The following ELK1 variants were observed in gnomAD, a reference collection of about 807,000 sequenced individuals.
The protein encoded by ELK1 is ETS transcription factor ELK1.
For missense variants in ELK1, 254 were observed against 381.5 expected (o/e 0.67, Z 2.78); for synonymous variants, 163 against 176.3 (o/e 0.92, Z 0.60).
chrX:47,644,616 A>G (rs1399183730), intron 2 of ELK1, among the ~76,000 whole-genome samples: 1 of 110,572 alleles, frequency 9.0e-6, no homozygotes, highest in Non-Finnish European at 1.9e-5. Context: ...GACCAAAAGG[A>G]GGTGAAGGAA....
At chrX:47,649,571 T>A (rs1456809209) in intron 2 of ELK1, among the ~76,000 whole-genome samples, 3 of 109,501 alleles carry the variant, frequency 2.7e-5, no homozygotes, top group African/African-American at 1.0e-4. Flanking sequence ...CAGAAAACCT[T>A]ACAGACTCCT....
chrX:47,641,208 C>T, intron 3 of ELK1, 24 bp downstream of exon 3: 1 of 1,205,750 alleles, frequency 8.3e-7, no homozygotes, highest in South Asian at 1.8e-5. Context: ...GGGGGGGTTC[C>T]AGCCCTGGTC....
rs957932578 is a variant in ELK1, at chrX:47,636,550, A to G, written c.*279T>C. 3.6e-6 allele frequency: 1 copy of G among 275,847 alleles called. No individual in the cohort carries two copies. The highest frequency in any genetic ancestry group is 2.8e-5 in the African/African-American group (1 of 36,277). 22.7% of individuals were successfully genotyped at this position (275,847 alleles called of 1,213,427 possible). A position where few individuals can be genotyped will look rare whatever the true frequency, so the allele number is the denominator to read the frequency against. On this transcript the variant is annotated 3_prime_UTR_variant, in exon 7 of 7. Transcript: ENST00000376983. ...GTCAGGCTCCTCCCAGTGGCCTTCA[A>G]AAAATAAATAAATAAACCGCCCCTA...
At chrX:47,648,168 A>G (rs1389296959) in intron 2 of ELK1, among the ~76,000 whole-genome samples, 1 of 108,976 alleles carries the variant, frequency 9.2e-6, no homozygotes, top group Non-Finnish European at 1.9e-5. Flanking sequence ...GGATCTCGCT[A>G]TATTGCCCAG....
intron 2 of ELK1, among the ~76,000 whole-genome samples, chrX:47,647,106 T>C (rs138401197): frequency 8.2e-4 from 91 of 111,410 alleles, no homozygotes; most frequent in African/African-American, 2.9e-3. Context: ...CATTTGTCTA[T>C]TATGCTAATT....
intron 2 of ELK1, among the ~76,000 whole-genome samples, chrX:47,643,097 CTTTTTT>C (rs1569339808): frequency 1.8e-5 from 2 of 111,287 alleles, no homozygotes; most frequent in African/African-American, 6.5e-5. Context: ...TATTCTTTTT[CTTTTTT>C]TAAGAAATGG....
rs1252762851 is a variant in ELK1, at chrX:47,636,539, A to G, written c.*290T>C. ...TAAAAGGTTAGGTCAGGCTCCTCCC[A>G]GTGGCCTTCAAAAAATAAATAAATA... On this transcript the variant is annotated 3_prime_UTR_variant, in exon 7 of 7. Transcript: ENST00000376983. 2 of 260,971 alleles carry G rather than the reference A, an allele frequency of 7.7e-6. No individual in the cohort carries two copies. The highest frequency in any genetic ancestry group is 5.6e-5 in the African/African-American group (2 of 35,930). 21.5% of individuals were successfully genotyped at this position (260,971 alleles called of 1,213,427 possible).
At position 47,639,181 on chromosome X, in the gene ELK1, G is replaced by A; in HGVS notation, c.368C>T (p.Pro123Leu). ...NVAPAAIHAA[P>L]GDTVSGKPGT... ...TGGCTTTCCAGAGACAGTGTCCCCT[G>A]GGGCGGCATGTATAGCAGCAGGGGC... The change falls in exon 4 of 7, where the codon CCA (proline) becomes CTA (leucine). Residue 123 changes from proline to leucine, a missense_variant. Pro to Leu is a moderately conservative substitution (Grantham distance 98, BLOSUM62 -3). Coordinates refer to ENST00000376983, the MANE Select transcript of ELK1 (RefSeq NM_001114123.3). 8.3e-7 allele frequency: 1 copy of A among 1,209,396 alleles called. No individual in the cohort carries two copies. Among genetic ancestry groups the A allele is most frequent in the Non-Finnish European group, 1.1e-6 (1 of 894,203 alleles).
At chrX:47,642,494 C>T (rs2765809) in intron 2 of ELK1, among the ~76,000 whole-genome samples, 21,327 of 110,085 alleles carry the variant, frequency 0.19, 1,622 homozygotes, top group South Asian at 0.24. Context: ...TCTTTCAAGT[C>T]CCAGCCCAAA....
At position 47,641,313 on chromosome X, in the gene ELK1, G is replaced by T; in HGVS notation, c.129C>A (p.Ala43=). ...TGTTCTTGCGTAGCCCCCACAGCCGGGCCACCTCCTCTGCATCCACCAGCT... is the reference window on the plus strand; with the variant it reads ...TGTTCTTGCGTAGCCCCCACAGCCGTGCCACCTCCTCTGCATCCACCAGCT... The part of the protein sequence containing the change: ...EFKLVDAEEV[A]RLWGLRKNKT... The change falls in exon 3 of 7, where the codon GCC becomes GCA. Residue 43 remains alanine (A), a synonymous_variant. Coordinates refer to ENST00000376983, the MANE Select transcript of ELK1 (RefSeq NM_001114123.3). The T allele has an allele frequency of 1.7e-6, 2 of 1,211,703 alleles. No homozygotes were observed. Among genetic ancestry groups the T allele is most frequent in the Admixed American group, 2.2e-5 (1 of 46,040 alleles).
intron 2 of ELK1, among the ~76,000 whole-genome samples, chrX:47,646,330 T>G (rs775025832): frequency 9.0e-6 from 1 of 110,899 alleles, no homozygotes; most frequent in African/African-American, 3.3e-5. Flanking sequence ...ATTTTTTGGG[T>G]TTTTTTTCGG....
At chrX:47,639,524 T>C (rs765458087) in intron 3 of ELK1, among the ~76,000 whole-genome samples, 186 bp from the exon 4 acceptor site, 37 of 111,341 alleles carry the variant, frequency 3.3e-4, no homozygotes, top group African/African-American at 1.2e-3. Flanking sequence ...TCCTCTCCCA[T>C]TGGTTTCTAC....
chrX:47,644,114 G>C (rs1165037036), intron 2 of ELK1, among the ~76,000 whole-genome samples: 1 of 112,005 alleles, frequency 8.9e-6, no homozygotes, highest in African/African-American at 3.2e-5. Context: ...TTGCAGGCAG[G>C]CTTGTTTCAG....
chrX:47,642,406 GT>G (rs112935420), intron 2 of ELK1, among the ~76,000 whole-genome samples: 24,289 of 105,752 alleles, frequency 0.23, 2,245 homozygotes, highest in Non-Finnish European at 0.29. Flanking sequence ...TTTTCAGGAG[GT>G]TTTTTTTTTG....
intron 2 of ELK1, among the ~76,000 whole-genome samples, chrX:47,646,200 G>C (rs1256958302): frequency 1.8e-5 from 2 of 111,649 alleles, no homozygotes; most frequent in Non-Finnish European, 3.8e-5. Flanking sequence ...GCACCATAGT[G>C]TTTAACAATG....
At position 47,638,198 on chromosome X, in the gene ELK1, G is replaced by A. The variant is rs1289554228; in HGVS notation, c.655-16C>T. ...TCAGGATGACCTGGTAGAGGAGCAG[G>A]CACAAAGAGGGTGTGTAAGGATTGT... On this transcript the variant is annotated splice_polypyrimidine_tract_variant and intron_variant, in intron 4 of 6. Coordinates refer to ENST00000376983, the MANE Select transcript of ELK1 (RefSeq NM_001114123.3). The A allele has an allele frequency of 2.5e-6, 3 of 1,202,186 alleles. No homozygotes were observed. The highest frequency in any genetic ancestry group is 3.6e-5 in the South Asian group (2 of 55,572).
At chrX:47,636,962 G>A in intron 6 of ELK1, 35 bp from the exon 7 acceptor site, 1 of 1,191,959 alleles carries the variant, frequency 8.4e-7, no homozygotes, top group Non-Finnish European at 1.1e-6. Context: ...CACAGATGGG[G>A]GCCATTCTTG....
At chrX:47,647,747 G>A (rs754241712) in intron 2 of ELK1, among the ~76,000 whole-genome samples, 3 of 112,054 alleles carry the variant, frequency 2.7e-5, no homozygotes, top group East Asian at 2.8e-4. Context: ...GAGACATAGC[G>A]GTGAATGAGC....
chrX:47,644,953 C>T (rs1261608566), intron 2 of ELK1, among the ~76,000 whole-genome samples: 1 of 111,193 alleles, frequency 9.0e-6, no homozygotes. Flanking sequence ...GAAGCCACTG[C>T]GGTAGATGAT....
Sources: allele counts gnomAD v4.1 joint callset (sites outside exome capture counted in the v4.1 genomes callset), GRCh38; gene constraint gnomAD v4.1.1; transcripts MANE v1.5; gene names NCBI Gene and HGNC (gene_info 2026-07-23, HGNC 2026-07-21).